Variants in CDH18 observed in about 807,000 individuals in gnomAD.
CDH18 encodes the protein cadherin 18.
CDH18 carries 31 observed loss-of-function variants against 67.9 expected under a neutral mutation model. The observed-to-expected ratio is 0.46, with a 90% CI of 0.34 to 0.62. The LOEUF is 0.62. Among genes scored for constraint, CDH18 ranks in the 20% least tolerant of loss-of-function variants. The pLI is 0.01. For synonymous variants in CDH18, 362 were observed against 347.2 expected, an observed-to-expected ratio of 1.04 and a Z score of -0.48; for missense variants, 890 against 975.5, an observed-to-expected ratio of 0.91 and a Z score of 1.17.
chr5:20,067,387 C>T (rs773929407), intron 2 of CDH18, among the ~76,000 whole-genome samples: 4 of 150,828 alleles, frequency 2.7e-5, no homozygotes, highest in Admixed American at 6.7e-5. Flanking sequence ...TTGCTGTATG[C>T]GCTCATGTGT....
chr5:20,448,115 G>C (rs745325141), intron 1 of CDH18, among the ~76,000 whole-genome samples: 1 of 150,606 alleles, frequency 6.6e-6, no homozygotes, highest in Non-Finnish European at 1.5e-5. Flanking sequence ...AAGCGCTCTC[G>C]TTCAATTCCC....
intron 5 of CDH18, among the ~76,000 whole-genome samples, chr5:19,648,439 A>T (rs559756181): frequency 6.6e-6 from 1 of 152,142 alleles, no homozygotes; most frequent in African/African-American, 2.4e-5. Flanking sequence ...TAAAATAATA[A>T]TAATAAAGGG....
chr5:19,729,053 G>GAT (rs1407564686), intron 4 of CDH18, among the ~76,000 whole-genome samples: 3 of 152,112 alleles, frequency 2.0e-5, no homozygotes, highest in African/African-American at 4.8e-5. Flanking sequence ...CATCTGGGCT[G>GAT]AGTACCAAAA....
At chr5:20,415,159 G>T (rs1747184264) in intron 1 of CDH18, among the ~76,000 whole-genome samples, 1 of 152,126 alleles carries the variant, frequency 6.6e-6, no homozygotes, top group South Asian at 2.1e-4. Flanking sequence ...GCTGAGGCGG[G>T]TGGATTCCCT....
intron 6 of CDH18, among the ~76,000 whole-genome samples, chr5:19,593,588 C>G (rs1452813462): frequency 6.9e-6 from 1 of 145,628 alleles, no homozygotes; most frequent in Admixed American, 6.9e-5. Flanking sequence ...CTGTCTCCCC[C>G]TCCCCTTCTA....
intron 1 of CDH18, among the ~76,000 whole-genome samples, chr5:20,533,715 TC>T (rs1250499907): frequency 1.3e-5 from 2 of 152,132 alleles, no homozygotes; most frequent in Non-Finnish European, 2.9e-5. Context: ...TCATTTATTA[TC>T]CTTTTTACAT....
intron 1 of CDH18, among the ~76,000 whole-genome samples, chr5:20,399,209 G>A (rs1745554195): frequency 6.6e-6 from 1 of 152,050 alleles, no homozygotes; most frequent in South Asian, 2.1e-4. Context: ...TGAAATAAGT[G>A]AATGGTAAAG....
At chr5:19,483,898 A>T (rs1354695516) in intron 11 of CDH18, among the ~76,000 whole-genome samples, 1 of 152,222 alleles carries the variant, frequency 6.6e-6, no homozygotes. Context: ...CTTTGAAGTG[A>T]GCCAATGAGA....
At chr5:20,461,375 C>A (rs1021715361) in intron 1 of CDH18, among the ~76,000 whole-genome samples, 12 of 152,082 alleles carry the variant, frequency 7.9e-5, no homozygotes, top group Admixed American at 2.6e-4. Context: ...TCTTCTTCAA[C>A]TACAACTATG....
At chr5:20,211,718 T>C (rs1188389720) in intron 2 of CDH18, among the ~76,000 whole-genome samples, 1 of 152,054 alleles carries the variant, frequency 6.6e-6, no homozygotes, top group Non-Finnish European at 1.5e-5. Flanking sequence ...CAGAAAGGAA[T>C]AGCATCAACA....
intron 1 of CDH18, among the ~76,000 whole-genome samples, chr5:20,373,642 T>TATAAATAAATAAATAA (rs34470344): frequency 4.0e-5 from 6 of 150,470 alleles, no homozygotes; most frequent in African/African-American, 1.2e-4. Context: ...GAAAAATAAA[T>TATAAATAAATAAATAA]ATAAATAAAT....
intron 5 of CDH18, among the ~76,000 whole-genome samples, chr5:19,630,124 T>C (rs1051986856): frequency 3.3e-5 from 5 of 152,020 alleles, no homozygotes; most frequent in African/African-American, 1.2e-4. Context: ...TAATTTTTAG[T>C]AGAGACAGGG....
At chr5:19,497,829 G>T (rs1433958353) in intron 11 of CDH18, among the ~76,000 whole-genome samples, 1 of 152,114 alleles carries the variant, frequency 6.6e-6, no homozygotes, top group East Asian at 1.9e-4. Context: ...TTGCTCGTAG[G>T]AGTTACTTCC....
chr5:19,638,403 T>C (rs1032529697), intron 5 of CDH18, among the ~76,000 whole-genome samples: 1 of 152,188 alleles, frequency 6.6e-6, no homozygotes, highest in Non-Finnish European at 1.5e-5. Flanking sequence ...GCAGTAAATA[T>C]GGATTATTCG....
intron 2 of CDH18, among the ~76,000 whole-genome samples, chr5:20,009,543 C>G (rs1391999788): frequency 6.6e-6 from 1 of 152,048 alleles, no homozygotes; most frequent in African/African-American, 2.4e-5. Context: ...ATCAGTTTAA[C>G]TGGTGGCGAG....
At chr5:20,254,807 T>G (rs1744107252) in intron 2 of CDH18, among the ~76,000 whole-genome samples, 1 of 152,090 alleles carries the variant, frequency 6.6e-6, no homozygotes, top group Non-Finnish European at 1.5e-5. Context: ...AAAAGACACA[T>G]GCACTTGTAT....
At chr5:19,756,939 C>T (rs1771683448) in intron 3 of CDH18, among the ~76,000 whole-genome samples, 2 of 152,198 alleles carry the variant, frequency 1.3e-5, no homozygotes, top group South Asian at 4.1e-4. Flanking sequence ...TGATTCAGAG[C>T]ATACCCAGCC....
At chr5:19,662,205 C>A (rs1324374379) in intron 5 of CDH18, among the ~76,000 whole-genome samples, 1 of 149,736 alleles carries the variant, frequency 6.7e-6, no homozygotes, top group East Asian at 2.0e-4. Context: ...GATATATATT[C>A]TTTTAAAAAT....
intron 4 of CDH18, among the ~76,000 whole-genome samples, chr5:19,741,119 T>C (rs928318137): frequency 2.9e-5 from 4 of 136,030 alleles, no homozygotes; most frequent in Admixed American, 1.6e-4. Context: ...CTTATCTATA[T>C]GTATACATGT....
Sources: allele counts gnomAD v4.1 joint callset (sites outside exome capture counted in the v4.1 genomes callset), GRCh38; gene constraint gnomAD v4.1.1; transcripts MANE v1.5; gene names NCBI Gene and HGNC (gene_info 2026-07-23, HGNC 2026-07-21).